The following UBXN11 variants were observed in gnomAD, a reference collection of about 807,000 sequenced individuals.
UBXN11 encodes UBX domain-containing protein 11.
Under a neutral mutation model 62.8 loss-of-function variants are expected in UBXN11, and 47 were observed. The observed-to-expected ratio is 0.75, with a 90% CI of 0.59 to 0.95. The LOEUF (loss-of-function observed/expected upper bound fraction) is 0.95, where lower values mean the gene tolerates loss of function less well. Ranked by LOEUF, UBXN11 falls within the 40% of genes least tolerant of loss-of-function variation. The probability of loss-of-function intolerance (pLI) is 0.00; values close to 1 mark genes in which losing one functional copy is unlikely to be tolerated. For synonymous variants in UBXN11, 294 were observed against 267.0 expected (o/e 1.10, Z -0.99); for missense variants, 638 against 661.7 (o/e 0.96, Z 0.39).
At position 26,285,909 on chromosome 1, in the gene UBXN11, G is replaced by C. The variant is rs768655383; in HGVS notation, c.688C>G (p.Leu230Val). Residue 230 changes from leucine to valine, a missense_variant, in exon 9 of 15, where the codon CTC becomes GTC. Leu to Val is a conservative substitution (Grantham distance 32). Coordinates refer to ENST00000374222, the MANE Select transcript of UBXN11 (RefSeq NM_001389556.1). ...PVPGGARLRTLEPIPLKLYRN... is the reference protein window; with the variant it reads ...PVPGGARLRTVEPIPLKLYRN... ...TAGAGCTTCAGCGGGATGGGCTCGA[G>C]GGTACGCAGCCGTGCCCCGCCGGGC... 5.6e-6 allele frequency: 9 copies of C among 1,613,610 alleles called. No individual in the cohort carries two copies. The highest frequency in any genetic ancestry group is 7.6e-6 in the Non-Finnish European group (9 of 1,179,688).
chr1:26,292,360 A>G (rs2073288358), intron 8 of UBXN11, among the ~76,000 whole-genome samples: 1 of 152,026 alleles, frequency 6.6e-6, no homozygotes, highest in Admixed American at 6.6e-5. Context: ...TCTACAAAAA[A>G]TAAAGAAAAT....
chr1:26,308,249 A>G (rs1215562065), upstream of UBXN11, among the ~76,000 whole-genome samples: 1 of 148,034 alleles, frequency 6.8e-6, no homozygotes, highest in Non-Finnish European at 1.5e-5. Flanking sequence ...CCTGGGCAAC[A>G]AGAGTGAAAC....
chr1:26,282,928 GGCA>G lies in UBXN11; in HGVS notation c.1084_1086del (p.Cys362del), dbSNP rs752007022. 1.9e-6 allele frequency: 3 copies of G among 1,614,084 alleles called. No homozygotes were observed. Among genetic ancestry groups the G allele is most frequent in the Non-Finnish European group, 2.5e-6 (3 of 1,180,054 alleles). ...ATCTCCTGGATCCGGGCAGGCAATG[GGCA>G]GCAGTTCTGGAAGGTATCAGTGGAG... On this transcript the variant is annotated inframe_deletion, in exon 13 of 15. Transcript: ENST00000374222.
At chr1:26,307,003 A>G (rs1229816516), upstream of UBXN11, 2 of 152,228 alleles carry the variant, frequency 1.3e-5, no homozygotes, top group Non-Finnish European at 2.9e-5. Flanking sequence ...TTATTTCCCC[A>G]TATGATCAGT....
In UBXN11 at chr1:26,301,698, T is replaced by A; in HGVS notation, c.96A>T (p.Gly32=). 1 of 1,613,908 alleles carries A rather than the reference T, an allele frequency of 6.2e-7. No homozygotes were observed. Among genetic ancestry groups the A allele is most frequent in the Non-Finnish European group, 8.5e-7 (1 of 1,179,918 alleles). Residue 32 remains glycine, a synonymous_variant, in exon 3 of 15, where the codon GGA becomes GGT. Coordinates refer to ENST00000374222, the MANE Select transcript of UBXN11 (RefSeq NM_001389556.1). The part of the protein sequence containing the change: ...NPGRRGIRIY[G]DEDEVDMLSD... ...ACGAGGGCGGGGCACACTTACCATC[T>A]CCATAGATGCGGATTCCTCGCCTCC... is the stretch of plus-strand genomic sequence containing the variant.
At position 26,294,330 on chromosome 1, in the gene UBXN11, C is replaced by T. The variant is rs1442977022; in HGVS notation, c.434G>A (p.Arg145Gln). The change falls in exon 8 of 15, where the codon CGG becomes CAG. Residue 145 changes from arginine (R) to glutamine (Q), a missense_variant and splice_region_variant. Coordinates refer to ENST00000374222, the MANE Select transcript of UBXN11 (RefSeq NM_001389556.1). ...CTGCAGGCCATAGTCACTGAGGAAC[C>T]GCTGTGGGAAAGAAGGGGGAGATGC... is the stretch of plus-strand genomic sequence containing the variant. ...QLQRQVREME[R>Q]FLSDYGLQWV... 5.6e-6 allele frequency: 9 copies of T among 1,596,642 alleles called. No homozygotes were observed. The East Asian group carries it at 6.7e-5, about 12-fold the overall frequency.
intron 1 of UBXN11, among the ~76,000 whole-genome samples, chr1:26,316,486 G>C (rs2073796533): frequency 6.6e-6 from 1 of 151,828 alleles, no homozygotes; most frequent in Admixed American, 6.6e-5. Flanking sequence ...GTTTGTGTAG[G>C]GGAGGGGGAG....
At position 26,296,900 on chromosome 1, in the gene UBXN11, C is replaced by G. The variant is rs200856466; in HGVS notation, c.432+19G>C. On this transcript the variant is annotated intron_variant, in intron 7 of 14. Coordinates refer to ENST00000374222, the MANE Select transcript of UBXN11 (RefSeq NM_001389556.1). ...GGGACTGCTGGCTGCCCGCATCCCC[C>G]GGGGCCCAGCTCTCTCACCTCCATC... 6.3e-7 allele frequency: 1 copy of G among 1,595,296 alleles called. No homozygotes were observed. The highest frequency in any genetic ancestry group is 1.3e-5 in the African/African-American group (1 of 74,744).
chr1:26,316,971 G>A (rs1200616088), intron 1 of UBXN11, among the ~76,000 whole-genome samples: 1 of 151,668 alleles, frequency 6.6e-6, no homozygotes, highest in African/African-American at 2.4e-5. Flanking sequence ...GCTCATGCCT[G>A]TAATCCCAGC....
exon 1 of UBXN11, chr1:26,318,280 C>G: frequency 1.8e-6 from 1 of 565,548 alleles, no homozygotes; most frequent in South Asian, 2.2e-5. Context: ...GCGGGCTGCC[C>G]TGAGAGAAAC....
intron 8 of UBXN11, among the ~76,000 whole-genome samples, chr1:26,288,898 G>C (rs1342439206): frequency 6.6e-6 from 1 of 152,192 alleles, no homozygotes; most frequent in Admixed American, 6.5e-5. Flanking sequence ...CTCAGCCTCA[G>C]TGCTCAGTGA....
At chr1:26,318,019 T>G in intron 1 of UBXN11, 1 of 1,614,096 alleles carries the variant, frequency 6.2e-7, no homozygotes, top group Non-Finnish European at 8.5e-7. Flanking sequence ...CCTACCAAAA[T>G]GAAGCGCTTC....
Position 26,288,078 on chromosome 1 carries a change from A to T in UBXN11, c.560-2041T>A, listed in dbSNP as rs532501931. Among the ~76,000 whole-genome samples, 1,060 of 113,656 alleles carry T rather than the reference A, an allele frequency of 9.3e-3. 6 individuals carry two copies. Among genetic ancestry groups the T allele is most frequent in the Middle Eastern group, 0.031 (6 of 196 alleles). 74.6% of individuals were successfully genotyped at this position (113,656 alleles called of 152,430 possible). On this transcript the variant is annotated intron_variant, in intron 8 of 14. Transcript: ENST00000374222. ...TCACCACACCCTGCTAATTAATTTAAAAAAAAATTGTAGAGATGGGGTCTC... is the reference window on the plus strand; with the variant it reads ...TCACCACACCCTGCTAATTAATTTATAAAAAAATTGTAGAGATGGGGTCTC...
chr1:26,306,833 G>GGGGGGGTT (rs2073680982), upstream of UBXN11: 1 of 32,068 alleles, frequency 3.1e-5, no homozygotes, highest in African/African-American at 7.3e-5. Flanking sequence ...GCGGGGTGGG[G>GGGGGGGTT]GGGGGGGGTG....
chr1:26,284,385 A>G lies in UBXN11; in HGVS notation c.950T>C (p.Leu317Ser). 6.2e-7 allele frequency: 1 copy of G among 1,613,984 alleles called. No individual in the cohort carries two copies. Among genetic ancestry groups the G allele is most frequent in the Non-Finnish European group, 8.5e-7 (1 of 1,179,910 alleles). The change falls in exon 11 of 15, where the codon TTG becomes TCG. Residue 317 changes from leucine (L) to serine (S), a missense_variant. By Grantham distance (145) the Leu-to-Ser change is moderately radical. Coordinates refer to ENST00000374222, the MANE Select transcript of UBXN11 (RefSeq NM_001389556.1). ...ACCTGGGTGCTCCTCCACCCTGTCC[A>G]AGGCCTTGTGCATCAGCTGCCTGCC... ...VVGRQLMHKA[L>S]DRVEEHPGSR...
Position 26,282,295 on chromosome 1 carries a change from T to A in UBXN11, c.*4A>T. 1 of 1,453,928 alleles carries A rather than the reference T, an allele frequency of 6.9e-7. No homozygotes were observed. Among genetic ancestry groups the A allele is most frequent in the South Asian group, 1.5e-5 (1 of 66,742 alleles). The allele number at this position is 1,453,928 out of a possible 1,614,324, so 90.1% of individuals were successfully genotyped here. The stretch of plus-strand genomic sequence containing the variant: ...CGGAGCAGCGGGTTGAGGGGGCGGG[T>A]GCTTTATTGGGGGCTGGGACTGGGT... On this transcript the variant is annotated 3_prime_UTR_variant, in exon 15 of 15. Coordinates refer to ENST00000374222, the MANE Select transcript of UBXN11 (RefSeq NM_001389556.1).
chr1:26,300,864 G>A (rs1482729348), intron 4 of UBXN11, 62 bp downstream of exon 4: 1 of 1,612,606 alleles, frequency 6.2e-7, no homozygotes. Flanking sequence ...CCTAGGCCTT[G>A]CCCCGTCTCT....
chr1:26,300,106 C>A (rs887678437), intron 4 of UBXN11, among the ~76,000 whole-genome samples: 2 of 152,130 alleles, frequency 1.3e-5, no homozygotes, highest in African/African-American at 4.8e-5. Context: ...TCTCTTTTTC[C>A]ACCTCAATTC....
At chr1:26,313,750 T>A (rs1159951543) in intron 1 of UBXN11, among the ~76,000 whole-genome samples, 2 of 151,870 alleles carry the variant, frequency 1.3e-5, no homozygotes, top group Admixed American at 1.3e-4. Flanking sequence ...AGTTCTAGAA[T>A]TTCCATTTGG....
Sources: gnomAD v4.1 joint callset for allele counts (sites outside exome capture counted in the v4.1 genomes callset) on GRCh38, gnomAD v4.1.1 for gene constraint, MANE v1.5 for transcripts, NCBI Gene and HGNC (gene_info 2026-07-23, HGNC 2026-07-21) for gene names.